DCDC1: variants seen among roughly 807,000 people sequenced by gnomAD.
DCDC1 encodes the protein doublecortin domain-containing protein 1.
Under a neutral mutation model 178.3 loss-of-function variants are expected in DCDC1, and 200 were observed. That is an observed-to-expected ratio of 1.12 (90% CI 1.00 to 1.26). The LOEUF is 1.26. Ranked by LOEUF, DCDC1 falls within the 50% of genes most tolerant of loss-of-function variation. DCDC1 has a pLI of 0.00. For missense variants in DCDC1, 1,983 were observed against 1,749.2 expected, an observed-to-expected ratio of 1.13 and a Z score of -2.38; for synonymous variants, 690 against 604.8, an observed-to-expected ratio of 1.14 and a Z score of -2.07.
chr11:31,213,496 C>T (rs1431061405), intron 9 of DCDC1, among the ~76,000 whole-genome samples: 2 of 151,796 alleles, frequency 1.3e-5, no homozygotes, highest in African/African-American at 2.4e-5. Context: ...CCGAGATGGG[C>T]GAATCACAAG....
chr11:30,881,178 T>C lies in DCDC1; in HGVS notation c.5213A>G (p.His1738Arg). Residue 1738 changes from histidine to arginine, a missense_variant, in exon 37 of 39, where the codon CAT becomes CGT. Coordinates refer to ENST00000684477, the MANE Select transcript of DCDC1 (RefSeq NM_001387274.1). ...CATACCTTTTGGGGTTTTGAAACCA[T>C]GTCCCATAGACACACAGATGACCAT... ...RDMVICVSMG[H>R]GFKTPKELKQ... 6.2e-7 allele frequency: 1 copy of C among 1,613,294 alleles called. No homozygotes were observed. Among genetic ancestry groups the C allele is most frequent in the East Asian group, 2.2e-5 (1 of 44,850 alleles).
chr11:30,918,781 G>A (rs1213591116), intron 25 of DCDC1, among the ~76,000 whole-genome samples: 1 of 152,142 alleles, frequency 6.6e-6, no homozygotes, highest in African/African-American at 2.4e-5. Context: ...AGGTGGGCAG[G>A]TACCTGTGAT....
chr11:31,248,663 A>C (rs1943748628), intron 8 of DCDC1, among the ~76,000 whole-genome samples: 2 of 152,114 alleles, frequency 1.3e-5, no homozygotes, highest in Non-Finnish European at 2.9e-5. Context: ...AGATATGTCA[A>C]GAGAGATTTA....
chr11:30,896,952 T>C (rs1041068332), intron 34 of DCDC1, among the ~76,000 whole-genome samples: 1 of 152,196 alleles, frequency 6.6e-6, no homozygotes, highest in African/African-American at 2.4e-5. Context: ...GGCTATAATA[T>C]AGAATAGCTG....
At chr11:31,053,494 C>T (rs1008333800) in intron 20 of DCDC1, among the ~76,000 whole-genome samples, 3 of 151,998 alleles carry the variant, frequency 2.0e-5, no homozygotes, top group Non-Finnish European at 4.4e-5. Flanking sequence ...CCAGCATCAC[C>T]CTAATACCAA....
At chr11:31,281,884 T>C (rs1946461997) in intron 7 of DCDC1, among the ~76,000 whole-genome samples, 2 of 152,160 alleles carry the variant, frequency 1.3e-5, no homozygotes, top group Non-Finnish European at 2.9e-5. Context: ...TTTTGTAAAT[T>C]GCCCAGTCTC....
chr11:31,072,828 G>C (rs1445783309), intron 18 of DCDC1, among the ~76,000 whole-genome samples: 1 of 152,086 alleles, frequency 6.6e-6, no homozygotes, highest in Non-Finnish European at 1.5e-5. Context: ...GCCAGGATCT[G>C]TGCCAAATAC....
chr11:30,926,834 T>A (rs1946621740), intron 22 of DCDC1, among the ~76,000 whole-genome samples: 1 of 152,134 alleles, frequency 6.6e-6, no homozygotes, highest in Admixed American at 6.5e-5. Flanking sequence ...TGGTGGTCCA[T>A]GCCAGTAATC....
intron 9 of DCDC1, among the ~76,000 whole-genome samples, chr11:31,166,244 G>C (rs1190619015): frequency 1.3e-5 from 2 of 152,036 alleles, no homozygotes; most frequent in Non-Finnish European, 2.9e-5. Context: ...TCTCTCTCAA[G>C]TTTCTAGATT....
At chr11:31,146,925 C>T (rs150171311) in intron 9 of DCDC1, among the ~76,000 whole-genome samples, 17 of 152,238 alleles carry the variant, frequency 1.1e-4, no homozygotes, top group Admixed American at 7.2e-4. Context: ...GGCCTCCTTC[C>T]GCCTGCCTTT....
intron 32 of DCDC1, 136 bp from the exon 33 acceptor site, chr11:30,900,634 G>C (rs1944590968): frequency 1.2e-6 from 1 of 818,880 alleles, no homozygotes; most frequent in East Asian, 3.2e-5. Flanking sequence ...CAAAATCAGA[G>C]ACTAATGCAT....
intron 1 of DCDC1, among the ~76,000 whole-genome samples, chr11:31,363,786 T>G (rs1440184251): frequency 6.6e-6 from 1 of 152,074 alleles, no homozygotes; most frequent in African/African-American, 2.4e-5. Flanking sequence ...AAAAATAAAC[T>G]TTTCGAAAAA....
At chr11:30,900,191 A>G (rs1465316775) in intron 33 of DCDC1, among the ~76,000 whole-genome samples, 155 bp downstream of exon 33, 2 of 152,156 alleles carry the variant, frequency 1.3e-5, no homozygotes, top group East Asian at 1.9e-4. Context: ...ATCCCTGTGC[A>G]CATATTAGTT....
At chr11:31,129,157 A>C (rs2135945166) in intron 10 of DCDC1, among the ~76,000 whole-genome samples, 1 of 124,638 alleles carries the variant, frequency 8.0e-6, no homozygotes, top group East Asian at 3.4e-4. Context: ...AGTGTGCACT[A>C]TTACTCATAT....
chr11:31,112,060 TA>T lies in DCDC1; in HGVS notation c.1486-1700del, dbSNP rs111518314. Among the ~76,000 whole-genome samples the T allele has an allele frequency of 7.4e-3, 1,123 of 151,958 alleles. 18 individuals are homozygous for T. Among genetic ancestry groups the T allele is most frequent in the African/African-American group, 0.025 (1,051 of 41,474 alleles). ...GACCTCTGCAAATCCTACAAGGGCATAAAAAAAAGAGATATTTTAGTGGTTA... is the reference window on the plus strand; with the variant it reads ...GACCTCTGCAAATCCTACAAGGGCATAAAAAAAGAGATATTTTAGTGGTTA... On this transcript the variant is annotated intron_variant, in intron 11 of 38. Transcript: ENST00000684477.
chr11:31,321,316 G>A (rs1293162115), intron 3 of DCDC1, among the ~76,000 whole-genome samples: 1 of 116,568 alleles, frequency 8.6e-6, no homozygotes, highest in Non-Finnish European at 1.8e-5. Context: ...GATTCCGTGG[G>A]CGTAGGACCC....
intron 20 of DCDC1, among the ~76,000 whole-genome samples, chr11:30,990,842 T>G (rs1192756861): frequency 1.3e-5 from 2 of 152,176 alleles, no homozygotes; most frequent in African/African-American, 4.8e-5. Context: ...ATCACGCAAG[T>G]GCAGTGAAGC....
chr11:30,991,565 C>A (rs1950982423), intron 20 of DCDC1, among the ~76,000 whole-genome samples: 2 of 152,138 alleles, frequency 1.3e-5, no homozygotes, highest in Non-Finnish European at 1.5e-5. Context: ...GCATGCCATG[C>A]ACCACCGACG....
intron 13 of DCDC1, among the ~76,000 whole-genome samples, chr11:31,104,140 C>A (rs1958693161): frequency 6.6e-6 from 1 of 152,094 alleles, no homozygotes; most frequent in South Asian, 2.1e-4. Flanking sequence ...TAAATGAATT[C>A]TTAATATTTG....
Sources: gnomAD v4.1 joint callset for allele counts (sites outside exome capture counted in the v4.1 genomes callset) on GRCh38, gnomAD v4.1.1 for gene constraint, MANE v1.5 for transcripts, NCBI Gene and HGNC (gene_info 2026-07-23, HGNC 2026-07-21) for gene names.